KCNQ1: variants seen among roughly 807,000 people sequenced by gnomAD.
KCNQ1 encodes potassium voltage-gated channel subfamily Q member 1.
In KCNQ1, 49 loss-of-function variants were observed where a neutral mutation model predicts 72.4. The observed-to-expected ratio is 0.68, with a 90% CI of 0.54 to 0.86. The LOEUF is 0.86. KCNQ1 is among the 40% of genes least tolerant of loss of function. The pLI is 0.00. For missense variants in KCNQ1, 790 were observed against 945.1 expected, an observed-to-expected ratio of 0.84 and a Z score of 2.15; for synonymous variants, 450 against 412.6, an observed-to-expected ratio of 1.09 and a Z score of -1.10.
In KCNQ1 at chr11:2,781,003, G is replaced by GGA. The variant is rs1027640408; in HGVS notation, c.1794+2970_1794+2971dup. On this transcript the variant is annotated intron_variant, in intron 15 of 15. Transcript: ENST00000155840. This position sits in a 1 kb window ranked among gnomAD's most constrained non-coding sequence, Gnocchi z 6.6. ...TAGGTTCTGCCTCACTCCAGGGTGT[G>GGA]GAGAGCAGAAACCCACCCACACCCG... is the stretch of plus-strand genomic sequence containing the variant. 2.6e-5 allele frequency among the ~76,000 whole-genome samples: 4 copies of GGA among 152,134 alleles called. No homozygotes were observed. Among genetic ancestry groups the GGA allele is most frequent in the African/African-American group, 4.8e-5 (2 of 41,418 alleles).
chr11:2,824,101 G>GTC lies in KCNQ1; in HGVS notation c.1795-23665_1795-23664dup, dbSNP rs1399809957. Among the ~76,000 whole-genome samples the GTC allele has an allele frequency of 6.6e-6, 1 of 151,984 alleles. No individual in the cohort carries two copies. The highest frequency in any genetic ancestry group is 6.6e-5 in the Admixed American group (1 of 15,262). ...CAGCACAAACACCTTGACACACACC[G>GTC]TCACACACACCCATATTCGACACAC... On this transcript the variant is annotated intron_variant, in intron 15 of 15. Coordinates refer to ENST00000155840, the MANE Select transcript of KCNQ1 (RefSeq NM_000218.3). This position sits in a 1 kb window ranked among gnomAD's most constrained non-coding sequence, Gnocchi z 5.9.
intron 1 of KCNQ1, among the ~76,000 whole-genome samples, chr11:2,513,082 G>C (rs1847235680): frequency 6.6e-6 from 1 of 152,114 alleles, no homozygotes; most frequent in African/African-American, 2.4e-5. Flanking sequence ...GAGCTCCCGA[G>C]GAGAAAGCCA....
chr11:2,838,058 C>T (rs1047775654), intron 15 of KCNQ1, among the ~76,000 whole-genome samples: 6 of 152,220 alleles, frequency 3.9e-5, no homozygotes, highest in Non-Finnish European at 8.8e-5. Context: ...AGGAAGCCAG[C>T]CCAGAAACGT....
chr11:2,447,575 G>C lies in KCNQ1; in HGVS notation c.386+2091G>C, dbSNP rs1360206311. Among the ~76,000 whole-genome samples, 1 of 152,092 alleles carries C rather than the reference G, an allele frequency of 6.6e-6. No homozygotes were observed. Among genetic ancestry groups the C allele is most frequent in the Non-Finnish European group, 1.5e-5 (1 of 68,016 alleles). The stretch of plus-strand genomic sequence containing the variant: ...TGGCAGGACCAGTCTCTTGAGGGGA[G>C]ACCTGGTCATAGAACCAGGATGGCA... On this transcript the variant is annotated intron_variant, in intron 1 of 15. Coordinates refer to ENST00000155840, the MANE Select transcript of KCNQ1 (RefSeq NM_000218.3). The surrounding 1 kb of genome is among the most constrained non-coding windows in gnomAD (Gnocchi z 7.6).
chr11:2,813,967 G>C lies in KCNQ1; in HGVS notation c.1795-33800G>C, dbSNP rs1438946403. ...GGATAAAGAGGTGAAAGGATGAATA[G>C]AGAGATGGAGGGAAGGAGGGCTGAA... On this transcript the variant is annotated intron_variant, in intron 15 of 15. Transcript: ENST00000155840. The surrounding 1 kb of genome is among the most constrained non-coding windows in gnomAD (Gnocchi z 4.4). Among the ~76,000 whole-genome samples, 2 of 152,114 alleles carry C rather than the reference G, an allele frequency of 1.3e-5. No individual in the cohort carries two copies. The highest frequency in any genetic ancestry group is 1.5e-5 in the Non-Finnish European group (1 of 68,016).
intron 15 of KCNQ1, among the ~76,000 whole-genome samples, chr11:2,846,983 C>T (rs886463304): frequency 7.2e-5 from 11 of 152,226 alleles, no homozygotes; most frequent in East Asian, 5.8e-4. Flanking sequence ...CCAGAGGGCA[C>T]GCTCTAGGGC....
At position 2,495,961 on chromosome 11, in the gene KCNQ1, A is replaced by T. The variant is rs1376922104; in HGVS notation, c.387-31967A>T. On this transcript the variant is annotated intron_variant, in intron 1 of 15. Coordinates refer to ENST00000155840, the MANE Select transcript of KCNQ1 (RefSeq NM_000218.3). The surrounding 1 kb of genome is among the most constrained non-coding windows in gnomAD (Gnocchi z 4.6). ...GTGTTAAAGTCTCGCACTGTTATTG[A>T]GTAGGAATATAAGTCTCTTTGTAGG... 6.6e-6 allele frequency among the ~76,000 whole-genome samples: 1 copy of T among 152,154 alleles called. No individual in the cohort carries two copies. Among genetic ancestry groups the T allele is most frequent in the Non-Finnish European group, 1.5e-5 (1 of 68,044 alleles).
At chr11:2,532,638 C>A (rs908079289) in intron 2 of KCNQ1, among the ~76,000 whole-genome samples, 1 of 152,032 alleles carries the variant, frequency 6.6e-6, no homozygotes, top group Non-Finnish European at 1.5e-5. Context: ...GAGGAGGGGG[C>A]GCTCAGGTGG....
intron 11 of KCNQ1, chr11:2,694,930 G>A (rs899873836): frequency 7.5e-6 from 3 of 398,610 alleles, no homozygotes; most frequent in African/African-American, 2.1e-5. Flanking sequence ...CAGAGGTGGT[G>A]AAGGCCTTGG....
chr11:2,496,280 C>G (rs1174682034), intron 1 of KCNQ1, among the ~76,000 whole-genome samples: 1 of 151,478 alleles, frequency 6.6e-6, no homozygotes, highest in Non-Finnish European at 1.5e-5. Context: ...ACTAAAAATA[C>G]AAAAAAATTA....
At chr11:2,739,069 C>T (rs543423667) in intron 11 of KCNQ1, among the ~76,000 whole-genome samples, 115 of 152,348 alleles carry the variant, frequency 7.5e-4, no homozygotes, top group Non-Finnish European at 1.4e-3. Flanking sequence ...TCTGCTGCCT[C>T]CGCCTCCCTG....
intron 2 of KCNQ1, among the ~76,000 whole-genome samples, chr11:2,531,127 C>G (rs1438330571): frequency 6.6e-6 from 1 of 152,168 alleles, no homozygotes; most frequent in African/African-American, 2.4e-5. Flanking sequence ...AGGGCGAAGC[C>G]TGGAGAAGCC....
chr11:2,618,676 C>T (rs1343446879), intron 10 of KCNQ1: 1 of 398,394 alleles, frequency 2.5e-6, no homozygotes, highest in African/African-American at 2.1e-5. Flanking sequence ...TCGTTGGCTA[C>T]TTAAGGTTCT....
In KCNQ1 at chr11:2,483,401, G is replaced by A. The variant is rs546611117; in HGVS notation, c.386+37917G>A. On this transcript the variant is annotated intron_variant, in intron 1 of 15. Transcript: ENST00000155840. The surrounding 1 kb of genome is among the most constrained non-coding windows in gnomAD (Gnocchi z 6.1). ...CTCCTAGTATTAACATCTTAATAAC[G>A]GGGTGTATTGACCAAAACCGACACC... 2.8e-4 allele frequency among the ~76,000 whole-genome samples: 43 copies of A among 152,102 alleles called. No homozygotes were observed. The highest frequency in any genetic ancestry group is 5.0e-4 in the Non-Finnish European group (34 of 68,022).
At chr11:2,524,496 C>G (rs946190490) in intron 1 of KCNQ1, among the ~76,000 whole-genome samples, 3 of 152,184 alleles carry the variant, frequency 2.0e-5, no homozygotes, top group African/African-American at 7.2e-5. Flanking sequence ...GTGTTACTGT[C>G]TGCAAAGCAC....
At position 2,468,432 on chromosome 11, in the gene KCNQ1, C is replaced by CT. The variant is rs1336282867; in HGVS notation, c.386+22957dup. 2.7e-3 allele frequency among the ~76,000 whole-genome samples: 415 copies of CT among 152,028 alleles called. 1 individual carries two copies. Among genetic ancestry groups the CT allele is most frequent in the African/African-American group, 9.5e-3 (396 of 41,490 alleles). ...AAAGTGCTGGGATTACAGGCATGCA[C>CT]TTTTTTTTTCTAAGTAGCTTTACGG... On this transcript the variant is annotated intron_variant, in intron 1 of 15. Coordinates refer to ENST00000155840, the MANE Select transcript of KCNQ1 (RefSeq NM_000218.3). The surrounding 1 kb of genome is among the most constrained non-coding windows in gnomAD (Gnocchi z 5.7).
chr11:2,750,870 C>A lies in KCNQ1; in HGVS notation c.1515-17974C>A, dbSNP rs913984077. 6.6e-6 allele frequency among the ~76,000 whole-genome samples: 1 copy of A among 152,198 alleles called. No homozygotes were observed. Among genetic ancestry groups the A allele is most frequent in the African/African-American group, 2.4e-5 (1 of 41,436 alleles). On this transcript the variant is annotated intron_variant, in intron 11 of 15. Coordinates refer to ENST00000155840, the MANE Select transcript of KCNQ1 (RefSeq NM_000218.3). This position sits in a 1 kb window ranked among gnomAD's most constrained non-coding sequence, Gnocchi z 6.3. The stretch of plus-strand genomic sequence containing the variant: ...CTTAATGAGGGCTGACAGCCTGCGA[C>A]AAACGTCCTCATAATCTCCCCAGGA...
chr11:2,455,418 C>A (rs1011510447), intron 1 of KCNQ1, among the ~76,000 whole-genome samples: 16 of 152,132 alleles, frequency 1.1e-4, no homozygotes, highest in African/African-American at 3.6e-4. Flanking sequence ...TTCTTATACA[C>A]CAATGATGTT....
At chr11:2,649,333 T>A (rs1192167240) in intron 10 of KCNQ1, 1 of 398,554 alleles carries the variant, frequency 2.5e-6, no homozygotes, top group South Asian at 1.3e-4. Context: ...GTAGTGATAA[T>A]CTTTTATTCC....
Sources: allele counts gnomAD v4.1 joint callset (sites outside exome capture counted in the v4.1 genomes callset), GRCh38; gene constraint gnomAD v4.1.1; non-coding constraint Gnocchi (gnomAD v3.1); transcripts MANE v1.5; gene names NCBI Gene and HGNC (gene_info 2026-07-23, HGNC 2026-07-21).